Variants in NDUFA13 observed in about 807,000 individuals in gnomAD.
NDUFA13 encodes the protein NADH dehydrogenase [ubiquinone] 1 alpha subcomplex subunit 13.
A neutral mutation model predicts 17.0 loss-of-function variants in NDUFA13; 16 were observed. The observed-to-expected ratio is 0.94, with a 90% CI of 0.64 to 1.43. The LOEUF is 1.43. Ranked by LOEUF, NDUFA13 falls within the 40% of genes most tolerant of loss-of-function variation. The pLI is 0.00. For missense variants in NDUFA13, 228 were observed against 206.7 expected, an observed-to-expected ratio of 1.10 and a Z score of -0.63; for synonymous variants, 87 against 78.4, an observed-to-expected ratio of 1.11 and a Z score of -0.58.
In NDUFA13 at chr19:19,524,242, C is replaced by A. The variant is rs557337106; in HGVS notation, c.95-1940C>A. ...GGGGCCTTGGCCCCCCTGTGGTTGG[C>A]GAGGAGGAAGAGCCCTGTGCAGGCT... On this transcript the variant is annotated intron_variant, in intron 1 of 4. Coordinates refer to ENST00000507754, the MANE Select transcript of NDUFA13 (RefSeq NM_015965.7). 2.0e-5 allele frequency among the ~76,000 whole-genome samples: 3 copies of A among 152,338 alleles called. No individual in the cohort carries two copies. The South Asian group carries it at 6.2e-4, about 32-fold the overall frequency.
intron 2 of NDUFA13, chr19:19,526,737 C>A: frequency 6.8e-6 from 2 of 292,910 alleles, no homozygotes; most frequent in Non-Finnish European, 1.3e-5. Flanking sequence ...CAGGCGCCCC[C>A]CTCTCCCTGT....
intron 1 of NDUFA13, among the ~76,000 whole-genome samples, chr19:19,517,890 T>C (rs1327697840): frequency 6.6e-6 from 1 of 152,158 alleles, no homozygotes; most frequent in African/African-American, 2.4e-5. Flanking sequence ...AAGGGACAGA[T>C]GACAAGTATT....
At chr19:19,519,412 G>C (rs1205700084) in intron 1 of NDUFA13, among the ~76,000 whole-genome samples, 1 of 152,120 alleles carries the variant, frequency 6.6e-6, no homozygotes, top group Non-Finnish European at 1.5e-5. Context: ...CCCCCCCTGT[G>C]CCAGACAGTG....
intron 3 of NDUFA13, 58 bp downstream of exon 3, chr19:19,527,410 G>A: frequency 6.3e-7 from 1 of 1,584,712 alleles, no homozygotes; most frequent in Middle Eastern, 1.7e-4. Context: ...CAGGCTGCAG[G>A]GCCTGACCTG....
chr19:19,525,385 C>T (rs2061095499), intron 1 of NDUFA13, among the ~76,000 whole-genome samples: 1 of 152,218 alleles, frequency 6.6e-6, no homozygotes, highest in Non-Finnish European at 1.5e-5. Flanking sequence ...CAGAGTAGCC[C>T]CAGCAGGCAT....
intron 4 of NDUFA13, 56 bp from the exon 5 acceptor site, chr19:19,527,951 C>G (rs774931216): frequency 6.3e-7 from 1 of 1,599,132 alleles, no homozygotes; most frequent in Admixed American, 1.7e-5. Context: ...GGGATGGGTC[C>G]TAGCAGGCTG....
intron 1 of NDUFA13, among the ~76,000 whole-genome samples, chr19:19,518,666 C>T (rs572231437): frequency 1.8e-4 from 26 of 148,184 alleles, no homozygotes; most frequent in East Asian, 3.9e-4. Flanking sequence ...CAGGTTCAAG[C>T]GATTCTCCTC....
At chr19:19,522,439 G>GTATTATAGTT (rs1490191387) in intron 1 of NDUFA13, among the ~76,000 whole-genome samples, 3 of 144,038 alleles carry the variant, frequency 2.1e-5, no homozygotes, top group Non-Finnish European at 4.5e-5. Flanking sequence ...TCTTCTAAGA[G>GTATTATAGTT]TATTATAGTT....
chr19:19,527,025 T>A (rs886542166), intron 2 of NDUFA13, among the ~76,000 whole-genome samples: 1 of 152,176 alleles, frequency 6.6e-6, no homozygotes, highest in Non-Finnish European at 1.5e-5. Flanking sequence ...AGTTTTTAAT[T>A]GAAAAGAAAG....
intron 1 of NDUFA13, among the ~76,000 whole-genome samples, chr19:19,524,054 C>CGCTGTGCCCAGGT (rs67644947): frequency 1.3e-5 from 2 of 151,920 alleles, no homozygotes; most frequent in Non-Finnish European, 2.9e-5. Flanking sequence ...AAGCGTGAGC[C>CGCTGTGCCCAGGT]GAAAAAATTT....
chr19:19,527,165 T>TCCCCCCCCCC, intron 2 of NDUFA13, 116 bp from the exon 3 acceptor site: 1 of 470,782 alleles, frequency 2.1e-6, no homozygotes, highest in Non-Finnish European at 3.4e-6. Flanking sequence ...CCTGCCTGCC[T>TCCCCCCCCCC]CCCCGCCCCC....
At chr19:19,526,428 C>A in intron 2 of NDUFA13, 168 bp downstream of exon 2, 1 of 731,266 alleles carries the variant, frequency 1.4e-6, no homozygotes, top group Non-Finnish European at 2.4e-6. Context: ...ACTTCCACTT[C>A]TAGGCTCTGT....
rs764613211 is a variant in NDUFA13, at chr19:19,516,249, CA to C, written c.14del (p.Lys5ArgfsTer2). Reference sequence around the variant, plus strand: ...TGGGATACTGCGAGTATGGCGGCGTCAAAGGTGAAGCAGGACATGCCTCCGC... The same window carrying C: ...TGGGATACTGCGAGTATGGCGGCGTCAAGGTGAAGCAGGACATGCCTCCGC... MAASKVKQDMPPPG... is the reference protein window; with the variant it reads MAAXKVKQDMPPPG... On this transcript the variant is annotated frameshift_variant, in exon 1 of 5. Transcript: ENST00000507754. LOFTEE classifies it high-confidence loss of function. The C allele has an allele frequency of 3.1e-6, 5 of 1,614,058 alleles. No homozygotes were observed. Among genetic ancestry groups the C allele is most frequent in the Non-Finnish European group, 3.4e-6 (4 of 1,180,032 alleles).
Position 19,526,195 on chromosome 19 carries a change from G to A in NDUFA13, c.108G>A (p.Leu36=). 6.2e-7 allele frequency: 1 copy of A among 1,614,048 alleles called. No individual in the cohort carries two copies. The highest frequency in any genetic ancestry group is 8.5e-7 in the Non-Finnish European group (1 of 1,179,992). ...CTCTCTTCACAGGCTACAGCATGCT[G>A]GCCATAGGGATTGGAACCCTGATCT... The part of the protein sequence containing the change: ...PRRGLSGYSM[L]AIGIGTLIYG... The change falls in exon 2 of 5, where the codon CTG becomes CTA. Residue 36 remains leucine (L), a synonymous_variant. Transcript: ENST00000507754.
At chr19:19,517,667 C>G (rs1472487869) in intron 1 of NDUFA13, among the ~76,000 whole-genome samples, 1 of 151,864 alleles carries the variant, frequency 6.6e-6, no homozygotes, top group Non-Finnish European at 1.5e-5. Context: ...AAGTCCTCCC[C>G]AGCCCCTTCT....
rs201351776 is a variant in NDUFA13, at chr19:19,527,363, A to G, written c.245+11A>G. The G allele has an allele frequency of 4.3e-5, 70 of 1,613,572 alleles. No individual in the cohort carries two copies. Among genetic ancestry groups the G allele is most frequent in the Admixed American group, 6.7e-5 (4 of 60,012 alleles). ...AGAAACCGACCGGAGGTAGCACCGC[A>G]GGGGCCAAGGTTGGGAGGTCACTGG... On this transcript the variant is annotated intron_variant, in intron 3 of 4. Transcript: ENST00000507754.
At chr19:19,516,468 T>G (rs1028634364) in intron 1 of NDUFA13, 136 bp downstream of exon 1, 22 of 911,944 alleles carry the variant, frequency 2.4e-5, no homozygotes, top group Non-Finnish European at 3.9e-5. Context: ...TCATAGCTTC[T>G]GTAATAACGC....
chr19:19,518,625 G>A (rs564951991), intron 1 of NDUFA13, among the ~76,000 whole-genome samples: 102 of 147,886 alleles, frequency 6.9e-4, no homozygotes, highest in African/African-American at 1.5e-3. Flanking sequence ...GTGCAGTGGC[G>A]TGATCTCGGC....
At chr19:19,527,424 C>T in intron 3 of NDUFA13, 72 bp downstream of exon 3, 1 of 1,559,686 alleles carries the variant, frequency 6.4e-7, no homozygotes, top group Non-Finnish European at 8.8e-7. Context: ...TGACCTGCAT[C>T]CCCGAAGGTG....
Sources: gnomAD v4.1 joint callset for allele counts (sites outside exome capture counted in the v4.1 genomes callset) on GRCh38, gnomAD v4.1.1 for gene constraint, MANE v1.5 for transcripts, NCBI Gene and HGNC (gene_info 2026-07-23, HGNC 2026-07-21) for gene names.